Variants in ODAD1 observed in about 807,000 individuals in gnomAD.
The protein encoded by ODAD1 is outer dynein arm docking complex subunit 1.
In ODAD1, 49 loss-of-function variants were observed where a neutral mutation model predicts 67.2. The observed-to-expected ratio is 0.73, with a 90% CI of 0.58 to 0.92. The LOEUF (loss-of-function observed/expected upper bound fraction) is 0.92. Ranked by LOEUF, ODAD1 falls within the 40% of genes least tolerant of loss-of-function variation. The probability of loss-of-function intolerance (pLI) is 0.00; values close to 1 mark genes in which losing one functional copy is unlikely to be tolerated. For missense variants in ODAD1, 897 were observed against 953.7 expected, an observed-to-expected ratio of 0.94 and a Z score of 0.78; for synonymous variants, 345 against 393.7, an observed-to-expected ratio of 0.88 and a Z score of 1.46.
chr19:48,297,757 C>T lies in ODAD1; in HGVS notation c.1503-89G>A, dbSNP rs534992820. On this transcript the variant is annotated intron_variant, in intron 14 of 15. Transcript: ENST00000674294. ...TCCTGCTAAACCCCGGGAGCCTCAG[C>T]CATTCTCCCACCAGCCCCGAGTGCC... is the stretch of plus-strand genomic sequence containing the variant. 1.6e-4 allele frequency: 183 copies of T among 1,169,464 alleles called. 1 individual carries two copies. The African/African-American group carries it at 2.2e-3, about 14-fold the overall frequency. 72.4% of individuals were successfully genotyped at this position (1,169,464 alleles called of 1,614,324 possible). A position where few individuals can be genotyped will look rare whatever the true frequency, so the allele number is the denominator to read the frequency against.
intron 1 of ODAD1, among the ~76,000 whole-genome samples, chr19:48,321,108 C>T (rs191226826): frequency 0.014 from 2,205 of 152,216 alleles, 59 homozygotes; most frequent in African/African-American, 0.05. Context: ...CATGGCGGCT[C>T]GTGCCTGTAA....
intron 8 of ODAD1, 107 bp downstream of exon 8, chr19:48,306,149 G>T: frequency 6.8e-7 from 1 of 1,466,726 alleles, no homozygotes; most frequent in Non-Finnish European, 9.1e-7. Flanking sequence ...AGAAAAAATA[G>T]GTTCTGACGT....
intron 12 of ODAD1, among the ~76,000 whole-genome samples, chr19:48,300,173 G>A (rs1968422738): frequency 1.3e-5 from 2 of 152,098 alleles, no homozygotes; most frequent in Admixed American, 6.5e-5. Context: ...GGGCGTGGTG[G>A]CGGGCACCTG....
At chr19:48,318,653 C>G in intron 4 of ODAD1, 60 bp downstream of exon 4, 1 of 1,534,242 alleles carries the variant, frequency 6.5e-7, no homozygotes, top group Non-Finnish European at 8.8e-7. Flanking sequence ...ACCCAGGAGT[C>G]CAGTCTTCAG....
At chr19:48,298,146 C>T (rs1435526658) in intron 13 of ODAD1, 31 bp downstream of exon 13, 1 of 1,611,850 alleles carries the variant, frequency 6.2e-7, no homozygotes, top group African/African-American at 1.3e-5. Flanking sequence ...CCGAGACCGG[C>T]CTCCTGTCCC....
At chr19:48,300,359 C>T in intron 12 of ODAD1, among the ~76,000 whole-genome samples, 1 of 151,966 alleles carries the variant, frequency 6.6e-6, no homozygotes, top group East Asian at 1.9e-4. Flanking sequence ...ACTCTAGACC[C>T]CTACCTCATA....
chr19:48,309,301 A>G (rs1453887563), intron 7 of ODAD1, among the ~76,000 whole-genome samples: 1 of 152,202 alleles, frequency 6.6e-6, no homozygotes, highest in African/African-American at 2.4e-5. Flanking sequence ...GCTGGGGGCC[A>G]GGTTGCCAGT....
At chr19:48,314,416 C>T (rs966586734) in intron 5 of ODAD1, among the ~76,000 whole-genome samples, 4 of 152,160 alleles carry the variant, frequency 2.6e-5, no homozygotes, top group African/African-American at 7.2e-5. Context: ...CATAGCAGCC[C>T]TAACAAACTA....
intron 5 of ODAD1, among the ~76,000 whole-genome samples, chr19:48,314,305 G>T (rs1276466229): frequency 6.6e-6 from 1 of 152,168 alleles, no homozygotes; most frequent in African/African-American, 2.4e-5. Flanking sequence ...CTGCTCAGAA[G>T]GAACCAAACC....
At position 48,297,034 on chromosome 19, in the gene ODAD1, GTGCTGGAGACGTGGTCTC is replaced by G. The variant is rs748554802; in HGVS notation, c.2048_2065del (p.Arg683_Ser688del). 4.3e-6 allele frequency: 7 copies of G among 1,612,192 alleles called. No individual in the cohort carries two copies. Among genetic ancestry groups the G allele is most frequent in the African/African-American group, 4.0e-5 (3 of 75,016 alleles). On this transcript the variant is annotated inframe_deletion, in exon 16 of 16. Coordinates refer to ENST00000674294, the MANE Select transcript of ODAD1 (RefSeq NM_001364171.2). ...CGGGCCAGTGCTGGAGGCAGGGCCG[GTGCTGGAGACGTGGTCTC>G]TGCTGGACCCGAGGCCTCCGCTCGA...
intron 5 of ODAD1, among the ~76,000 whole-genome samples, chr19:48,312,957 T>C (rs1483809739): frequency 1.3e-5 from 2 of 152,178 alleles, no homozygotes; most frequent in African/African-American, 2.4e-5. Context: ...TCTGTACTTA[T>C]TGGGGTGTGC....
rs759391024 is a variant in ODAD1, at chr19:48,297,530, G to A, written c.1582-12C>T. 2 of 1,601,876 alleles carry A rather than the reference G, an allele frequency of 1.2e-6. No individual in the cohort carries two copies. Among genetic ancestry groups the A allele is most frequent in the East Asian group, 4.5e-5 (2 of 44,348 alleles). ...TCCTGGAGCTCCACCTGCAGGGAAG[G>A]TGAACTGGGCCCCGACACACACTGA... On this transcript the variant is annotated splice_polypyrimidine_tract_variant and intron_variant, in intron 15 of 15. Transcript: ENST00000674294.
At chr19:48,302,905 G>A in intron 11 of ODAD1, 43 bp from the exon 12 acceptor site, 1 of 1,612,692 alleles carries the variant, frequency 6.2e-7, no homozygotes, top group Admixed American at 1.7e-5. Flanking sequence ...GGCAGCCTCG[G>A]GAGTTGGGGG....
At chr19:48,314,018 G>A (rs575086015) in intron 5 of ODAD1, among the ~76,000 whole-genome samples, 5 of 152,228 alleles carry the variant, frequency 3.3e-5, no homozygotes, top group African/African-American at 1.2e-4. Context: ...TGAGATGGGT[G>A]GATAACTTGA....
intron 5 of ODAD1, among the ~76,000 whole-genome samples, chr19:48,315,118 C>T (rs1968863572): frequency 6.6e-6 from 1 of 151,438 alleles, no homozygotes; most frequent in Non-Finnish European, 1.5e-5. Flanking sequence ...ACTCTGTCAC[C>T]CAGGCCGAGT....
At chr19:48,298,768 C>G (rs925095735) in intron 12 of ODAD1, among the ~76,000 whole-genome samples, 2 of 152,202 alleles carry the variant, frequency 1.3e-5, no homozygotes, top group Non-Finnish European at 2.9e-5. Flanking sequence ...AGGGCCTTCT[C>G]TCGCCCCCAG....
At position 48,297,602 on chromosome 19, in the gene ODAD1, T is replaced by G. The variant is rs752703339; in HGVS notation, c.1569A>C (p.Gln523His). 1 of 1,544,984 alleles carries G rather than the reference T, an allele frequency of 6.5e-7. No homozygotes were observed. The highest frequency in any genetic ancestry group is 8.7e-7 in the Non-Finnish European group (1 of 1,148,400). The part of the protein sequence containing the change: ...YPMSREELLS[Q>H]VEKLVELQEQ... ...GCCCCACTCTCACCAGCTTCTCCACTTGGCTCAGCAGCTCCTCCCTGCTCA... is the reference window on the plus strand; with the variant it reads ...GCCCCACTCTCACCAGCTTCTCCACGTGGCTCAGCAGCTCCTCCCTGCTCA... The change falls in exon 15 of 16, where the codon CAA becomes CAC. Residue 523 changes from glutamine to histidine, a missense_variant. Physicochemically the swap from Gln to His is conservative, Grantham distance 24. Transcript: ENST00000674294.
Position 48,297,253 on chromosome 19 carries a change from CCGTG to C in ODAD1, c.1843_1846del (p.His615ValfsTer8). 6.2e-7 allele frequency: 1 copy of C among 1,614,066 alleles called. No homozygotes were observed. Reference sequence around the variant, plus strand: ...GGTCACGTGGCCAGTGTTGGGGTCACCGTGCGTGATGTGGCTGGGCAAATGCCCA... The same window carrying C: ...GGTCACGTGGCCAGTGTTGGGGTCACCGTGATGTGGCTGGGCAAATGCCCA... On this transcript the variant is annotated frameshift_variant, in exon 16 of 16. Coordinates refer to ENST00000674294, the MANE Select transcript of ODAD1 (RefSeq NM_001364171.2). LOFTEE classifies it low-confidence loss of function (END_TRUNC).
At chr19:48,312,463 G>C (rs997479979) in intron 5 of ODAD1, among the ~76,000 whole-genome samples, 26 of 140,858 alleles carry the variant, frequency 1.8e-4, no homozygotes, top group African/African-American at 5.9e-4. Context: ...CTCCCAGGCT[G>C]GAGTGTGCAG....
Sources: gnomAD v4.1 joint callset for allele counts (sites outside exome capture counted in the v4.1 genomes callset) on GRCh38, gnomAD v4.1.1 for gene constraint, MANE v1.5 for transcripts, NCBI Gene and HGNC (gene_info 2026-07-23, HGNC 2026-07-21) for gene names.